PCDHA2: variants seen among roughly 807,000 people sequenced by gnomAD.
PCDHA2 encodes the protein protocadherin alpha-2.
PCDHA2 carries 58 observed loss-of-function variants against 66.0 expected under a neutral mutation model. The observed-to-expected ratio is 0.88, with a 90% CI of 0.71 to 1.09. The LOEUF is 1.09. Among genes scored for constraint, PCDHA2 ranks in the 50% least tolerant of loss-of-function variants. The pLI, the probability that PCDHA2 is intolerant of heterozygous loss-of-function variation, is 0.00. For synonymous variants in PCDHA2, 634 were observed against 554.0 expected (o/e 1.14, Z -2.03); for missense variants, 1,267 against 1,242.3 (o/e 1.02, Z -0.30).
chr5:140,905,427 A>G lies in PCDHA2; in HGVS notation c.2389-73522A>G, dbSNP rs185931856. 5.3e-5 allele frequency among the ~76,000 whole-genome samples: 8 copies of G among 152,298 alleles called. No homozygotes were observed. The East Asian group carries it at 1.5e-3, about 29-fold the overall frequency. ...TTTATACCAGTACCATGCTGGTTTG[A>G]TAACTACAGCCTTTTAGTATAATTT... On this transcript the variant is annotated intron_variant, in intron 1 of 3. Transcript: ENST00000526136.
In PCDHA2 at chr5:140,926,973, G is replaced by T. The variant is rs369317394; in HGVS notation, c.2389-51976G>T. 5.0e-6 allele frequency: 8 copies of T among 1,609,646 alleles called. No homozygotes were observed. The African/African-American group carries it at 1.1e-4, about 21-fold the overall frequency. On this transcript the variant is annotated intron_variant, in intron 1 of 3. Transcript: ENST00000526136. ...CGGGACAGCTCGAGTACTCAGTGCC[G>T]GAGGAGACGGAGCGGGGCGTAGCCG...
chr5:140,841,884 A>G, intron 1 of PCDHA2: 1 of 1,613,846 alleles, frequency 6.2e-7, no homozygotes, highest in Non-Finnish European at 8.5e-7. Flanking sequence ...AAGAACGATG[A>G]GAATAAACTG....
At position 140,927,438 on chromosome 5, in the gene PCDHA2, C is replaced by A. The variant is rs1446762816; in HGVS notation, c.2389-51511C>A. ...GATCGCGGGTTGACGGCAGCGAATACCCGGAGTTGGTGTTGGAGAAAGCAC... is the reference window on the plus strand; with the variant it reads ...GATCGCGGGTTGACGGCAGCGAATAACCGGAGTTGGTGTTGGAGAAAGCAC... On this transcript the variant is annotated intron_variant, in intron 1 of 3. Coordinates refer to ENST00000526136, the MANE Select transcript of PCDHA2 (RefSeq NM_018905.3). 3 of 1,614,032 alleles carry A rather than the reference C, an allele frequency of 1.9e-6. No individual in the cohort carries two copies. The Admixed American group carries it at 5.0e-5, about 27-fold the overall frequency.
At chr5:140,853,282 C>T in intron 1 of PCDHA2, 5 of 980,348 alleles carry the variant, frequency 5.1e-6, no homozygotes, top group Non-Finnish European at 6.1e-6. Flanking sequence ...TCATCATATG[C>T]AAATTCTCAG....
intron 1 of PCDHA2, chr5:140,823,128 T>C (rs2150122599): frequency 1.9e-6 from 3 of 1,613,702 alleles, no homozygotes; most frequent in Middle Eastern, 1.7e-4. Context: ...ACGACAACGC[T>C]CCGGCGTTCG....
At chr5:140,941,319 CTTT>C (rs70988781) in intron 1 of PCDHA2, among the ~76,000 whole-genome samples, 1 of 104,392 alleles carries the variant, frequency 9.6e-6, no homozygotes. Flanking sequence ...TCTTCTTTCT[CTTT>C]TTTTTTTTTT....
At chr5:140,871,624 A>G in intron 1 of PCDHA2, 1 of 1,409,596 alleles carries the variant, frequency 7.1e-7, no homozygotes, top group African/African-American at 1.4e-5. Context: ...TTTAGATAAC[A>G]ATGTCTGTTC....
chr5:140,914,076 T>C (rs2076593853), intron 1 of PCDHA2, among the ~76,000 whole-genome samples: 1 of 152,218 alleles, frequency 6.6e-6, no homozygotes, highest in Non-Finnish European at 1.5e-5. Context: ...TCCATAACTA[T>C]CTATTAGGTC....
intron 1 of PCDHA2, among the ~76,000 whole-genome samples, chr5:140,917,013 A>G (rs565656440): frequency 2.6e-4 from 39 of 152,080 alleles, no homozygotes; most frequent in Non-Finnish European, 4.6e-4. Context: ...ATCTCCCTTC[A>G]TGTGCAGCTG....
In PCDHA2 at chr5:140,796,631, T is replaced by G; in HGVS notation, c.1667T>G (p.Leu556Arg). 1 of 1,610,512 alleles carries G rather than the reference T, an allele frequency of 6.2e-7. No homozygotes were observed. Residue 556 changes from leucine to arginine, a missense_variant, in exon 1 of 4, where the codon CTG becomes CGG. By Grantham distance (102) the Leu-to-Arg change is moderately radical. Coordinates refer to ENST00000526136, the MANE Select transcript of PCDHA2 (RefSeq NM_018905.3). ...GSNVTLQVFV[L>R]DENDNAPALL... ...AACGTGACGCTGCAGGTGTTCGTGC[T>G]GGACGAGAACGACAACGCGCCGGCA...
At position 140,843,610 on chromosome 5, in the gene PCDHA2, G is replaced by C; in HGVS notation, c.2388+46258G>C. 5.6e-6 allele frequency: 9 copies of C among 1,595,980 alleles called. 1 individual carries two copies. The highest frequency in any genetic ancestry group is 7.7e-6 in the Non-Finnish European group (9 of 1,165,482). On this transcript the variant is annotated intron_variant, in intron 1 of 3. Transcript: ENST00000526136. Reference sequence around the variant, plus strand: ...CGCAGAGGGTGTGCTCTGGTGAGGGGCCACCGAAGACGGACCTCATGGCCT... The same window carrying C: ...CGCAGAGGGTGTGCTCTGGTGAGGGCCCACCGAAGACGGACCTCATGGCCT...
intron 1 of PCDHA2, among the ~76,000 whole-genome samples, chr5:140,909,531 G>A (rs2074565633): frequency 6.6e-6 from 1 of 152,160 alleles, no homozygotes. Flanking sequence ...CACATTTTGA[G>A]TCCTTGATGG....
In PCDHA2 at chr5:140,836,419, C is replaced by G. The variant is rs137976668; in HGVS notation, c.2388+39067C>G. 2.4e-4 allele frequency: 381 copies of G among 1,613,666 alleles called. 4 individuals are homozygous for G. The highest frequency in any genetic ancestry group is 2.7e-4 in the Non-Finnish European group (316 of 1,179,858). ...GAAAGCGGCCAGGCACCAAAGGCGTCGTCGCGGGCATCGTTGGGCATTGCA... is the reference window on the plus strand; with the variant it reads ...GAAAGCGGCCAGGCACCAAAGGCGTGGTCGCGGGCATCGTTGGGCATTGCA... On this transcript the variant is annotated intron_variant, in intron 1 of 3. Transcript: ENST00000526136.
At chr5:140,950,159 T>C (rs983239055) in intron 1 of PCDHA2, among the ~76,000 whole-genome samples, 3 of 151,972 alleles carry the variant, frequency 2.0e-5, no homozygotes, top group Non-Finnish European at 4.4e-5. Flanking sequence ...AAGCAGTTAT[T>C]ATGTACTTTA....
At chr5:140,798,120 C>T (rs186634822) in intron 1 of PCDHA2, among the ~76,000 whole-genome samples, 47 of 152,282 alleles carry the variant, frequency 3.1e-4, no homozygotes, top group African/African-American at 1.0e-3. Context: ...GATCCACCCT[C>T]CTAGGCCTCC....
Position 140,795,291 on chromosome 5 carries a change from C to T in PCDHA2, c.327C>T (p.Ile109=). 1.2e-6 allele frequency: 2 copies of T among 1,614,210 alleles called. No homozygotes were observed. The highest frequency in any genetic ancestry group is 1.7e-6 in the Non-Finnish European group (2 of 1,180,034). Residue 109 remains isoleucine, a synonymous_variant, in exon 1 of 4, where the codon ATC becomes ATT. Transcript: ENST00000526136. ...AATGTAGCATCCACGTGGAGGTGAT[C>T]GTGGACAGGCCGCTGCAGGTTTTCC... is the stretch of plus-strand genomic sequence containing the variant. ...SAECSIHVEV[I]VDRPLQVFHV...
chr5:140,830,290 G>A (rs2150184535), intron 1 of PCDHA2: 3 of 1,613,848 alleles, frequency 1.9e-6, no homozygotes, highest in East Asian at 2.2e-5. Context: ...GCGCGTGCAC[G>A]GCGGACAAGC....
At chr5:140,887,431 A>C (rs2061444829) in intron 1 of PCDHA2, among the ~76,000 whole-genome samples, 1 of 152,112 alleles carries the variant, frequency 6.6e-6, no homozygotes, top group African/African-American at 2.4e-5. Context: ...AAGTATTTTC[A>C]CTGGGCATAG....
intron 1 of PCDHA2, among the ~76,000 whole-genome samples, chr5:140,945,500 T>A (rs2093799104): frequency 6.6e-6 from 1 of 152,046 alleles, no homozygotes; most frequent in South Asian, 2.1e-4. Flanking sequence ...CAAAGCAATA[T>A]TGAGCAAAGT....
Sources: gnomAD v4.1 joint callset for allele counts (sites outside exome capture counted in the v4.1 genomes callset) on GRCh38, gnomAD v4.1.1 for gene constraint, MANE v1.5 for transcripts, NCBI Gene and HGNC (gene_info 2026-07-23, HGNC 2026-07-21) for gene names.